The following LINGO2 variants were observed in gnomAD, a reference collection of about 807,000 sequenced individuals.
The protein encoded by LINGO2 is leucine rich repeat and Ig domain containing 2.
LINGO2 carries 14 observed loss-of-function variants against 30.6 expected under a neutral mutation model. The ratio of observed to expected loss-of-function variants is 0.46; its 90% CI spans 0.30 to 0.72. The LOEUF (loss-of-function observed/expected upper bound fraction) is 0.72. Ranked by LOEUF, LINGO2 falls within the 30% of genes least tolerant of loss-of-function variation. The pLI is 0.07. For missense variants in LINGO2, 729 were observed against 751.7 expected (o/e 0.97, Z 0.35); for synonymous variants, 317 against 288.5 (o/e 1.10, Z -1.00).
intron 1 of LINGO2, among the ~76,000 whole-genome samples, chr9:28,576,630 T>C (rs1449223137): frequency 6.6e-6 from 1 of 152,130 alleles, no homozygotes; most frequent in African/African-American, 2.4e-5. Context: ...TACATTCCCA[T>C]AGTTTTTAGG....
chr9:28,014,571 A>AGTAAAAT (rs371462781), intron 4 of LINGO2, among the ~76,000 whole-genome samples: 37,503 of 152,112 alleles, frequency 0.25, 378 homozygotes, highest in East Asian at 0.36. Flanking sequence ...GGATAAGACA[A>AGTAAAAT]TTAACAAAGG....
chr9:28,613,984 T>G (rs1242466548), intron 1 of LINGO2, among the ~76,000 whole-genome samples: 2 of 152,162 alleles, frequency 1.3e-5, no homozygotes, highest in Non-Finnish European at 2.9e-5. Context: ...CATTTTAAAA[T>G]TATTCTCAGC....
At chr9:28,043,293 C>T (rs1213132780) in intron 4 of LINGO2, among the ~76,000 whole-genome samples, 1 of 152,218 alleles carries the variant, frequency 6.6e-6, no homozygotes, top group East Asian at 1.9e-4. Flanking sequence ...CTGTTTCAGA[C>T]AGCCATTGTG....
chr9:27,982,683 T>C (rs909381824), intron 5 of LINGO2, among the ~76,000 whole-genome samples: 2 of 151,756 alleles, frequency 1.3e-5, no homozygotes, highest in Admixed American at 1.3e-4. Flanking sequence ...ATTAAAGAGG[T>C]TCTTCTCTGA....
the LINGO2 span, among the ~76,000 whole-genome samples, chr9:28,860,791 C>T: frequency 6.7e-6 from 1 of 148,682 alleles, no homozygotes; most frequent in Admixed American, 6.9e-5. Flanking sequence ...AAGCAATTTC[C>T]GAAGTCTGTA....
At chr9:28,727,960 C>T in the LINGO2 span, among the ~76,000 whole-genome samples, 1 of 151,970 alleles carries the variant, frequency 6.6e-6, no homozygotes, top group Non-Finnish European at 1.5e-5. Flanking sequence ...CAATAGGGTA[C>T]CATAGAAGGG....
the LINGO2 span, among the ~76,000 whole-genome samples, chr9:28,899,425 C>A: frequency 6.6e-6 from 1 of 152,200 alleles, no homozygotes; most frequent in Non-Finnish European, 1.5e-5. Context: ...AGTCTCCAGG[C>A]CTTCTCCAGG....
chr9:28,885,526 A>G, the LINGO2 span, among the ~76,000 whole-genome samples: 2 of 151,220 alleles, frequency 1.3e-5, no homozygotes, highest in African/African-American at 4.9e-5. Flanking sequence ...ACATATGACA[A>G]CATATAAACA....
chr9:29,169,515 CAT>C, the LINGO2 span, among the ~76,000 whole-genome samples: 1 of 151,428 alleles, frequency 6.6e-6, no homozygotes, highest in Non-Finnish European at 1.5e-5. Context: ...GGCCAACAAA[CAT>C]ATGAAAAAAA....
intron 1 of LINGO2, among the ~76,000 whole-genome samples, chr9:28,505,575 A>G (rs932946665): frequency 6.6e-6 from 1 of 151,982 alleles, no homozygotes; most frequent in Non-Finnish European, 1.5e-5. Context: ...ATAGATCATG[A>G]TGATTATAAA....
chr9:28,568,440 T>C (rs565872900), intron 1 of LINGO2, among the ~76,000 whole-genome samples: 14 of 152,166 alleles, frequency 9.2e-5, no homozygotes, highest in Non-Finnish European at 1.8e-4. Flanking sequence ...AGTTTACCTA[T>C]ATTATAACAA....
intron 4 of LINGO2, among the ~76,000 whole-genome samples, chr9:28,156,497 TACAG>T (rs1013470072): frequency 2.0e-5 from 3 of 152,176 alleles, no homozygotes; most frequent in African/African-American, 7.2e-5. Context: ...GCAAATGAAG[TACAG>T]AGAGGTTTAA....
At chr9:28,488,919 G>A (rs1465717231) in intron 1 of LINGO2, among the ~76,000 whole-genome samples, 4 of 152,044 alleles carry the variant, frequency 2.6e-5, no homozygotes, top group East Asian at 1.9e-4. Context: ...ATAAATGTTC[G>A]ACCAATAAAC....
chr9:29,091,896 T>C, the LINGO2 span, among the ~76,000 whole-genome samples: 1 of 152,158 alleles, frequency 6.6e-6, no homozygotes, highest in East Asian at 1.9e-4. Flanking sequence ...TCTTCTATTA[T>C]TAAAAGTTAT....
chr9:28,326,101 G>A (rs558018485), intron 3 of LINGO2, among the ~76,000 whole-genome samples: 1 of 152,170 alleles, frequency 6.6e-6, no homozygotes, highest in African/African-American at 2.4e-5. Context: ...CCGCCTCCTG[G>A]GTTCAAGCGA....
chr9:28,262,420 C>T (rs1022076040), intron 4 of LINGO2, among the ~76,000 whole-genome samples: 9 of 151,706 alleles, frequency 5.9e-5, no homozygotes, highest in African/African-American at 2.2e-4. Context: ...TCAACAATTT[C>T]CAGCTGGTAT....
chr9:29,189,894 C>A, the LINGO2 span, among the ~76,000 whole-genome samples: 1 of 151,392 alleles, frequency 6.6e-6, no homozygotes, highest in Admixed American at 6.6e-5. Flanking sequence ...CGCCTGCAAT[C>A]GCAGGCACTC....
chr9:28,814,819 A>C, the LINGO2 span, among the ~76,000 whole-genome samples: 1 of 152,070 alleles, frequency 6.6e-6, no homozygotes, highest in Admixed American at 6.5e-5. Context: ...ACAGACACAC[A>C]CATCATTTTG....
At chr9:28,761,420 T>A in the LINGO2 span, among the ~76,000 whole-genome samples, 1 of 151,728 alleles carries the variant, frequency 6.6e-6, no homozygotes, top group African/African-American at 2.4e-5. Flanking sequence ...ACCTAATTCT[T>A]GTCCTTAAAG....
Sources: gnomAD v4.1 joint callset for allele counts (sites outside exome capture counted in the v4.1 genomes callset) on GRCh38, gnomAD v4.1.1 for gene constraint, MANE v1.5 for transcripts, NCBI Gene and HGNC (gene_info 2026-07-23, HGNC 2026-07-21) for gene names.